The following PPFIA2 variants were observed in gnomAD, a reference collection of about 807,000 sequenced individuals.
The protein encoded by PPFIA2 is PPFI scaffold protein A2.
In PPFIA2, 46 loss-of-function variants were observed where a neutral mutation model predicts 175.5. The ratio of observed to expected loss-of-function variants is 0.26; its 90% CI spans 0.21 to 0.34. The LOEUF is 0.34. Ranked by LOEUF, PPFIA2 falls within the 10% of genes least tolerant of loss-of-function variation. PPFIA2 has a pLI of 1.00. For missense variants in PPFIA2, 1,179 were observed against 1,506.1 expected (o/e 0.78, Z 3.60); for synonymous variants, 568 against 511.4 (o/e 1.11, Z -1.49).
At chr12:81,566,179 G>C (rs1567359929) in intron 4 of PPFIA2, among the ~76,000 whole-genome samples, 1 of 152,014 alleles carries the variant, frequency 6.6e-6, no homozygotes, top group Non-Finnish European at 1.5e-5. Flanking sequence ...TAGGCAAGAG[G>C]ACCCAGTAAA....
At chr12:81,335,773 A>G (rs1459575332) in intron 21 of PPFIA2, among the ~76,000 whole-genome samples, 1 of 151,422 alleles carries the variant, frequency 6.6e-6, no homozygotes, top group Admixed American at 6.6e-5. Context: ...AACAACAACA[A>G]CAACAAAAAG....
chr12:81,396,317 A>G (rs902737049), intron 8 of PPFIA2, among the ~76,000 whole-genome samples: 2 of 152,100 alleles, frequency 1.3e-5, no homozygotes, highest in African/African-American at 4.8e-5. Context: ...CAGACAATAC[A>G]TTACAGACAT....
At chr12:81,480,226 A>C (rs192898371) in intron 4 of PPFIA2, among the ~76,000 whole-genome samples, 28 of 151,936 alleles carry the variant, frequency 1.8e-4, no homozygotes, top group Non-Finnish European at 2.1e-4. Context: ...TGTATGCTTC[A>C]TGAAGTACTC....
intron 4 of PPFIA2, among the ~76,000 whole-genome samples, chr12:81,513,478 T>C (rs552352173): frequency 8.5e-5 from 13 of 152,070 alleles, no homozygotes; most frequent in African/African-American, 2.6e-4. Context: ...AAATTCACAA[T>C]TGCAAAGATA....
At chr12:81,450,402 AT>A (rs1315444546) in intron 5 of PPFIA2, among the ~76,000 whole-genome samples, 1 of 151,968 alleles carries the variant, frequency 6.6e-6, no homozygotes, top group South Asian at 2.1e-4. Context: ...GATGGTGAGC[AT>A]TTTTTCATGT....
chr12:81,318,612 T>C (rs1002851469), intron 22 of PPFIA2, among the ~76,000 whole-genome samples: 24 of 151,758 alleles, frequency 1.6e-4, no homozygotes, highest in African/African-American at 5.8e-4. Context: ...AAATCTGATG[T>C]TCTTATTTAA....
chr12:81,695,348 C>T (rs2075776732), intron 3 of PPFIA2, among the ~76,000 whole-genome samples: 1 of 152,128 alleles, frequency 6.6e-6, no homozygotes, highest in Admixed American at 6.6e-5. Flanking sequence ...TCCTTCATGG[C>T]TTGATGGTGT....
intron 4 of PPFIA2, among the ~76,000 whole-genome samples, chr12:81,580,798 G>C (rs1407397231): frequency 6.6e-6 from 1 of 151,598 alleles, no homozygotes; most frequent in Non-Finnish European, 1.5e-5. Flanking sequence ...TGCCCTTTGA[G>C]ATAATTACAT....
chr12:81,568,518 GT>G (rs540831720), intron 4 of PPFIA2, among the ~76,000 whole-genome samples: 360 of 152,256 alleles, frequency 2.4e-3, no homozygotes, highest in Non-Finnish European at 3.7e-3. Context: ...GCTGGGTTAA[GT>G]TGCTTTTTCC....
chr12:81,633,959 A>G (rs774126995), intron 4 of PPFIA2, among the ~76,000 whole-genome samples: 1 of 152,122 alleles, frequency 6.6e-6, no homozygotes, highest in Non-Finnish European at 1.5e-5. Flanking sequence ...TGCTTTGGCA[A>G]TGCTTGGAGG....
chr12:81,494,021 G>A (rs1011707748), intron 4 of PPFIA2, among the ~76,000 whole-genome samples: 1 of 151,818 alleles, frequency 6.6e-6, no homozygotes, highest in Non-Finnish European at 1.5e-5. Flanking sequence ...TTACCATTCA[G>A]GACAGGCATG....
intron 5 of PPFIA2, among the ~76,000 whole-genome samples, chr12:81,449,295 C>A (rs971936031): frequency 6.6e-6 from 1 of 152,068 alleles, no homozygotes; most frequent in African/African-American, 2.4e-5. Context: ...CAGCTGGAGA[C>A]CAGCTATTCA....
chr12:81,542,256 A>G (rs1272974538), intron 4 of PPFIA2, among the ~76,000 whole-genome samples: 3 of 152,064 alleles, frequency 2.0e-5, no homozygotes, highest in Non-Finnish European at 4.4e-5. Flanking sequence ...TGCAGATACC[A>G]TGGAATGCCT....
chr12:81,348,959 C>T (rs1595302119), intron 17 of PPFIA2, among the ~76,000 whole-genome samples: 2 of 152,164 alleles, frequency 1.3e-5, no homozygotes, highest in Non-Finnish European at 2.9e-5. Context: ...GAACCTGTAC[C>T]TTCAAGTTTA....
At chr12:81,504,911 A>T (rs2060983885) in intron 4 of PPFIA2, among the ~76,000 whole-genome samples, 1 of 152,062 alleles carries the variant, frequency 6.6e-6, no homozygotes, top group East Asian at 1.9e-4. Flanking sequence ...ACCAAACACC[A>T]CATGTTCTCA....
chr12:81,389,545 T>C (rs1160986685), intron 8 of PPFIA2, among the ~76,000 whole-genome samples: 1 of 152,070 alleles, frequency 6.6e-6, no homozygotes, highest in African/African-American at 2.4e-5. Flanking sequence ...GAAACTTGCA[T>C]TTGCAGAAAA....
chr12:81,420,937 G>A (rs919259632), intron 7 of PPFIA2, among the ~76,000 whole-genome samples: 34 of 152,034 alleles, frequency 2.2e-4, no homozygotes, highest in African/African-American at 7.5e-4. Flanking sequence ...AACTCATTAT[G>A]TGAAAGAGAA....
chr12:81,498,593 T>A (rs1041518999), intron 4 of PPFIA2, among the ~76,000 whole-genome samples: 3 of 152,132 alleles, frequency 2.0e-5, no homozygotes, highest in African/African-American at 7.2e-5. Flanking sequence ...CCATGGGGAT[T>A]TTATTTAACT....
intron 3 of PPFIA2, among the ~76,000 whole-genome samples, chr12:81,739,928 T>C (rs1253801276): frequency 1.3e-5 from 2 of 152,096 alleles, no homozygotes; most frequent in African/African-American, 2.4e-5. Flanking sequence ...ATCTTAGGAA[T>C]AACTATTAGT....
Sources: allele counts gnomAD v4.1 joint callset (sites outside exome capture counted in the v4.1 genomes callset), GRCh38; gene constraint gnomAD v4.1.1; transcripts MANE v1.5; gene names NCBI Gene and HGNC (gene_info 2026-07-23, HGNC 2026-07-21).